The following UCHL3 variants were observed in gnomAD, a reference collection of about 807,000 sequenced individuals.
The protein encoded by UCHL3 is ubiquitin C-terminal hydrolase L3.
UCHL3 carries 22 observed loss-of-function variants against 35.8 expected under a neutral mutation model. That is an observed-to-expected ratio of 0.61 (90% confidence interval 0.44 to 0.88). The LOEUF is 0.88. Among genes scored for constraint, UCHL3 ranks in the 40% least tolerant of loss-of-function variants. The probability of loss-of-function intolerance (pLI) is 0.00; values close to 1 mark genes in which losing one functional copy is unlikely to be tolerated. For synonymous variants in UCHL3, 90 were observed against 92.8 expected, an observed-to-expected ratio of 0.97 and a Z score of 0.17; for missense variants, 229 against 276.9, an observed-to-expected ratio of 0.83 and a Z score of 1.23.
chr13:75,550,565 C>T (rs2031053937), intron 2 of UCHL3, among the ~76,000 whole-genome samples: 1 of 152,126 alleles, frequency 6.6e-6, no homozygotes, highest in African/African-American at 2.4e-5. Context: ...ATAGTTCCCA[C>T]GCCATTCTTT....
rs2032930705 is a variant in UCHL3 at position 75,605,827 on chromosome 13, A to C, written c.*15A>C. 1.2e-6 allele frequency: 2 copies of C among 1,610,738 alleles called. No homozygotes were observed. The highest frequency in any genetic ancestry group is 1.7e-6 in the Non-Finnish European group (2 of 1,178,574). On this transcript the variant is annotated 3_prime_UTR_variant, in exon 9 of 9. Transcript: ENST00000377595. ...CTGCAGCATAGCTTGTCAATAATGG[A>C]AACACCAAAAACTGTATTATTTGCA...
At chr13:75,579,026 G>A (rs560547749) in intron 6 of UCHL3, among the ~76,000 whole-genome samples, 3 of 152,070 alleles carry the variant, frequency 2.0e-5, no homozygotes, top group Non-Finnish European at 4.4e-5. Flanking sequence ...TTACTCTGAA[G>A]TATAGTTTTT....
At position 75,598,233 on chromosome 13, in the gene UCHL3, A is replaced by G. The variant is rs1447179669; in HGVS notation, c.550+3243A>G. ...TCCTCCCACAGATTACCCAGATTCA[A>G]TTCATATTTCTGAGCCATTTGAAAA... On this transcript the variant is annotated intron_variant, in intron 7 of 8. Transcript: ENST00000377595. 3.3e-5 allele frequency among the ~76,000 whole-genome samples: 5 copies of G among 152,218 alleles called. No individual in the cohort carries two copies. In the East Asian group the frequency reaches 9.6e-4, roughly 29 times the overall value.
chr13:75,595,832 A>G (rs899006090), intron 7 of UCHL3, among the ~76,000 whole-genome samples: 1 of 150,278 alleles, frequency 6.7e-6, no homozygotes. Flanking sequence ...ATTTCATGGC[A>G]TGTTGGAGGA....
chr13:75,589,936 A>T, intron 6 of UCHL3: 3 of 1,269,258 alleles, frequency 2.4e-6, no homozygotes, highest in Non-Finnish European at 3.1e-6. Flanking sequence ...TTAATTATGT[A>T]GTCCTCCTCG....
intron 6 of UCHL3, among the ~76,000 whole-genome samples, chr13:75,571,976 C>CTATCTTGTCT (rs1555274362): frequency 2.1e-5 from 3 of 143,054 alleles, no homozygotes; most frequent in African/African-American, 8.0e-5. Context: ...TTTCCTAACC[C>CTATCTTGTCT]TGTCTTGTCT....
intron 2 of UCHL3, among the ~76,000 whole-genome samples, chr13:75,553,798 C>G (rs1244929067): frequency 6.6e-6 from 1 of 152,102 alleles, no homozygotes; most frequent in Non-Finnish European, 1.5e-5. Context: ...TTAATATGGC[C>G]AAAAAAGAAA....
At chr13:75,558,463 G>T (rs760307652) in intron 2 of UCHL3, among the ~76,000 whole-genome samples, 1 of 152,186 alleles carries the variant, frequency 6.6e-6, no homozygotes, top group African/African-American at 2.4e-5. Context: ...TTGCTCTGTT[G>T]TATGTACCAT....
intron 2 of UCHL3, among the ~76,000 whole-genome samples, chr13:75,553,777 A>G (rs9600494): frequency 0.12 from 17,932 of 152,218 alleles, 1,398 homozygotes; most frequent in Middle Eastern, 0.29. Context: ...TGTCTTATAG[A>G]TACCTTAAAG....
intron 2 of UCHL3, among the ~76,000 whole-genome samples, chr13:75,557,845 C>G (rs1361129020): frequency 6.6e-6 from 1 of 151,838 alleles, no homozygotes; most frequent in Non-Finnish European, 1.5e-5. Flanking sequence ...ATTCACACCA[C>G]CCAAGCTAAC....
rs532792802 is a variant in UCHL3, at chr13:75,554,549, A to G, written c.54+4562A>G. On this transcript the variant is annotated intron_variant, in intron 2 of 8. Coordinates refer to ENST00000377595, the MANE Select transcript of UCHL3 (RefSeq NM_006002.5). ...ATATGGCTATTCCATTTCAGCTGCC[A>G]CAGTGCAAGCCACCATCCTTAGCTT... Among the ~76,000 whole-genome samples the G allele has an allele frequency of 5.9e-5, 9 of 152,294 alleles. No homozygotes were observed. The East Asian group carries it at 1.7e-3, about 29-fold the overall frequency.
intron 3 of UCHL3, 111 bp from the exon 4 acceptor site, chr13:75,566,584 C>A: frequency 1.5e-6 from 1 of 677,598 alleles, no homozygotes; most frequent in South Asian, 3.6e-5. Context: ...TTATTTTAAA[C>A]CCTTTCTTTC....
At chr13:75,592,443 T>TACAC (rs1242637038) in intron 6 of UCHL3, among the ~76,000 whole-genome samples, 13 of 78,434 alleles carry the variant, frequency 1.7e-4, no homozygotes, top group African/African-American at 4.9e-4. Flanking sequence ...TATATATATA[T>TACAC]ATATATATAT....
intron 2 of UCHL3, among the ~76,000 whole-genome samples, chr13:75,552,039 C>G (rs1326999668): frequency 6.6e-6 from 1 of 151,582 alleles, no homozygotes; most frequent in East Asian, 1.9e-4. Context: ...GGAATAGTGA[C>G]AGGAGACCTT....
At chr13:75,582,621 A>G (rs2032217773) in intron 6 of UCHL3, among the ~76,000 whole-genome samples, 1 of 152,240 alleles carries the variant, frequency 6.6e-6, no homozygotes, top group African/African-American at 2.4e-5. Context: ...GACTTTTATG[A>G]AAGATTCAAA....
upstream of UCHL3, chr13:75,549,718 G>T (rs2030999683): frequency 3.7e-6 from 5 of 1,344,458 alleles, no homozygotes; most frequent in African/African-American, 1.5e-5. Flanking sequence ...CTCCTCCTCC[G>T]GGCGGTGTGT....
chr13:75,600,410 A>G (rs1254001921), intron 7 of UCHL3, among the ~76,000 whole-genome samples: 1 of 152,210 alleles, frequency 6.6e-6, no homozygotes, highest in African/African-American at 2.4e-5. Context: ...CAAAGCTTCA[A>G]AGGACAGGCT....
At chr13:75,586,079 A>T (rs1416776766) in intron 6 of UCHL3, among the ~76,000 whole-genome samples, 2 of 152,094 alleles carry the variant, frequency 1.3e-5, no homozygotes, top group Non-Finnish European at 2.9e-5. Context: ...AAGAAAGATC[A>T]GTTTAGTAAA....
intron 5 of UCHL3, among the ~76,000 whole-genome samples, chr13:75,567,550 A>C (rs1255178580): frequency 6.7e-6 from 1 of 149,246 alleles, no homozygotes; most frequent in Non-Finnish European, 1.5e-5. Context: ...TTGATTTACA[A>C]ATTTTTTTTT....
Sources: allele counts gnomAD v4.1 joint callset (sites outside exome capture counted in the v4.1 genomes callset), GRCh38; gene constraint gnomAD v4.1.1; transcripts MANE v1.5; gene names NCBI Gene and HGNC (gene_info 2026-07-23, HGNC 2026-07-21).